Variants in DLK1 observed in about 807,000 individuals in gnomAD.
DLK1 encodes the protein protein delta homolog 1.
In DLK1, 9 loss-of-function variants were observed where a neutral mutation model predicts 35.2. The observed-to-expected ratio is 0.26, with a 90% CI of 0.15 to 0.45. The LOEUF is 0.45. Among genes scored for constraint, DLK1 ranks in the 20% least tolerant of loss-of-function variants. DLK1 has a pLI of 1.00. For missense variants in DLK1, 522 were observed against 528.5 expected, an observed-to-expected ratio of 0.99 and a Z score of 0.12; for synonymous variants, 231 against 228.4, an observed-to-expected ratio of 1.01 and a Z score of -0.10.
chr14:100,728,333 G>T, intron 1 of DLK1, 63 bp from the exon 2 acceptor site: 1 of 1,590,768 alleles, frequency 6.3e-7, no homozygotes, highest in South Asian at 1.1e-5. Flanking sequence ...TGTGGGCGAA[G>T]ACAGCCTTTG....
Position 100,734,973 on chromosome 14 carries a change from G to T in DLK1, c.*77G>T. 1 of 1,490,934 alleles carries T rather than the reference G, an allele frequency of 6.7e-7. No individual in the cohort carries two copies. Among genetic ancestry groups the T allele is most frequent in the Non-Finnish European group, 8.9e-7 (1 of 1,125,572 alleles). The allele number at this position is 1,490,934 out of a possible 1,614,324, so 92.4% of individuals were successfully genotyped here. Reference sequence around the variant, plus strand: ...ATACGCGGTCTGTCCTAATCTTTGTGGTGTTCGCTATCTCTTGTGTCAAAT... The same window carrying T: ...ATACGCGGTCTGTCCTAATCTTTGTTGTGTTCGCTATCTCTTGTGTCAAAT... On this transcript the variant is annotated 3_prime_UTR_variant, in exon 5 of 5. Coordinates refer to ENST00000341267, the MANE Select transcript of DLK1 (RefSeq NM_003836.7). This position sits in a 1 kb window ranked among gnomAD's most constrained non-coding sequence, Gnocchi z 7.4.
rs1276824970 is a variant in DLK1, at chr14:100,737,445, CTA to C, written c.*2551_*2552del. The C allele has an allele frequency of 1.3e-5, 2 of 152,016 alleles. No homozygotes were observed. Among genetic ancestry groups the C allele is most frequent in the African/African-American group, 2.4e-5 (1 of 41,406 alleles). The allele number at this position is 152,016 out of a possible 1,614,324, so 9.4% of individuals were successfully genotyped here. A position where few individuals can be genotyped will look rare whatever the true frequency, so the allele number is the denominator to read the frequency against. On this transcript the variant is annotated 3_prime_UTR_variant, in exon 5 of 5. Transcript: ENST00000341267. ...AAGATTGGTCAGATGATCAAATTAT[CTA>C]TGTTTTCGATCTTGATGCTATAGAG... is the stretch of plus-strand genomic sequence containing the variant.
rs1206126080 is a variant in DLK1, at chr14:100,736,802, C to G, written c.*1906C>G. ...GCCCCTCCCAGCCTCACCCCAAAAACCCTGTCACCCCACCGACCACCATCA... is the reference window on the plus strand; with the variant it reads ...GCCCCTCCCAGCCTCACCCCAAAAAGCCTGTCACCCCACCGACCACCATCA... On this transcript the variant is annotated 3_prime_UTR_variant, in exon 5 of 5. Coordinates refer to ENST00000341267, the MANE Select transcript of DLK1 (RefSeq NM_003836.7). The G allele has an allele frequency of 6.7e-6, 1 of 149,828 alleles. No individual in the cohort carries two copies. Among genetic ancestry groups the G allele is most frequent in the Non-Finnish European group, 1.5e-5 (1 of 67,776 alleles). The allele number at this position is 149,828 out of a possible 1,614,324, so 9.3% of individuals were successfully genotyped here.
intron 4 of DLK1, among the ~76,000 whole-genome samples, chr14:100,733,566 A>T (rs577682986): frequency 1.3e-5 from 2 of 152,114 alleles, no homozygotes; most frequent in African/African-American, 4.8e-5. Flanking sequence ...GTGGATCCAC[A>T]CCGCTAATAA....
At chr14:100,732,018 C>A (rs776685645) in intron 3 of DLK1, 24 bp from the exon 4 acceptor site, 1 of 1,599,284 alleles carries the variant, frequency 6.3e-7, no homozygotes, top group African/African-American at 1.3e-5. Context: ...AAGCTAAGTT[C>A]TCGTCTTCCC....
chr14:100,734,918 C>T lies in DLK1; in HGVS notation c.*22C>T. 15 of 1,545,730 alleles carry T rather than the reference C, an allele frequency of 9.7e-6. No homozygotes were observed. The highest frequency in any genetic ancestry group is 1.3e-5 in the Non-Finnish European group (15 of 1,151,552). ...CTAAGCAGCGTTCCCACAGCCCCCT[C>T]TAGATTCTTGGAGTTCCGCAGAGCT... On this transcript the variant is annotated 3_prime_UTR_variant, in exon 5 of 5. Transcript: ENST00000341267. The surrounding 1 kb of genome is among the most constrained non-coding windows in gnomAD (Gnocchi z 7.4).
At position 100,728,976 on chromosome 14, in the gene DLK1, G is replaced by C. The variant is rs776598670; in HGVS notation, c.172G>C (p.Val58Leu). The change falls in exon 3 of 5, where the codon GTG (valine) becomes CTG (leucine). Residue 58 changes from valine (V) to leucine (L), a missense_variant. Physicochemically the swap from Val to Leu is conservative, Grantham distance 32 (BLOSUM62 1). Transcript: ENST00000341267. ...GCAGGGTCCCCTTTGTGACCAGTGC[G>C]TGACCTCTCCCGGCTGCCTTCACGG... Reference protein sequence around the residue: ...GWQGPLCDQCVTSPGCLHGLC... With the variant: ...GWQGPLCDQCLTSPGCLHGLC... The C allele has an allele frequency of 6.2e-7, 1 of 1,614,066 alleles. No individual in the cohort carries two copies. Among genetic ancestry groups the C allele is most frequent in the Non-Finnish European group, 8.5e-7 (1 of 1,180,036 alleles).
In DLK1 at chr14:100,734,975, T is replaced by C; in HGVS notation, c.*79T>C. The C allele has an allele frequency of 1.3e-6, 2 of 1,490,096 alleles. No individual in the cohort carries two copies. Among genetic ancestry groups the C allele is most frequent in the Non-Finnish European group, 8.9e-7 (1 of 1,124,868 alleles). 92.3% of individuals were successfully genotyped at this position (1,490,096 alleles called of 1,614,324 possible). ...ACGCGGTCTGTCCTAATCTTTGTGG[T>C]GTTCGCTATCTCTTGTGTCAAATCT... On this transcript the variant is annotated 3_prime_UTR_variant, in exon 5 of 5. Transcript: ENST00000341267. The surrounding 1 kb of genome is among the most constrained non-coding windows in gnomAD (Gnocchi z 7.4).
At chr14:100,727,161 C>T (rs1231977258) in intron 1 of DLK1, 26 bp downstream of exon 1, 8 of 1,545,392 alleles carry the variant, frequency 5.2e-6, no homozygotes, top group Non-Finnish European at 6.1e-6. Flanking sequence ...GCCCGGCTCG[C>T]GCCCCCTCTG....
In DLK1 at chr14:100,734,785, G is replaced by C; in HGVS notation, c.1041G>C (p.Lys347Asn). Residue 347 changes from lysine (K) to asparagine (N), a missense_variant, in exon 5 of 5, where the codon AAG (lysine) becomes AAC (asparagine). Transcript: ENST00000341267. This position sits in a 1 kb window ranked among gnomAD's most constrained non-coding sequence, Gnocchi z 7.4. ...LRYNHMLRKK[K>N]NLLLQYNSGE... ...ACAACCACATGCTGCGGAAGAAGAA[G>C]AACCTGCTGCTTCAGTACAACAGCG... 6.2e-7 allele frequency: 1 copy of C among 1,613,984 alleles called. No individual in the cohort carries two copies. The highest frequency in any genetic ancestry group is 1.1e-5 in the South Asian group (1 of 91,060).
chr14:100,736,287 A>G lies in DLK1; in HGVS notation c.*1391A>G, dbSNP rs780056941. 7 of 151,910 alleles carry G rather than the reference A, an allele frequency of 4.6e-5. No homozygotes were observed. Among genetic ancestry groups the G allele is most frequent in the Non-Finnish European group, 8.8e-5 (6 of 67,998 alleles). The allele number at this position is 151,910 out of a possible 1,614,324, so 9.4% of individuals were successfully genotyped here. A position where few individuals can be genotyped will look rare whatever the true frequency, so the allele number is the denominator to read the frequency against. ...TTGGACAGCTAAACAGCCCTTGGGT[A>G]CCAGATAGGAATATTTTGCTTCTTA... On this transcript the variant is annotated 3_prime_UTR_variant, in exon 5 of 5. Transcript: ENST00000341267.
intron 3 of DLK1, among the ~76,000 whole-genome samples, chr14:100,731,445 G>A (rs767833530): frequency 6.6e-6 from 1 of 152,196 alleles, no homozygotes; most frequent in Non-Finnish European, 1.5e-5. Context: ...CTTGAGTTCA[G>A]AGCCTGAGTG....
At chr14:100,731,848 T>A (rs1208613224) in intron 3 of DLK1, among the ~76,000 whole-genome samples, 194 bp from the exon 4 acceptor site, 1 of 152,190 alleles carries the variant, frequency 6.6e-6, no homozygotes, top group East Asian at 1.9e-4. Flanking sequence ...TCTGTGACCT[T>A]AGGCAAGGAA....
At position 100,736,841 on chromosome 14, in the gene DLK1, C is replaced by T. The variant is rs929584929; in HGVS notation, c.*1945C>T. On this transcript the variant is annotated 3_prime_UTR_variant, in exon 5 of 5. Transcript: ENST00000341267. ...CGACCACCATCATCACTGGCAAGCCCCTTCCCCTTCTCCAGCTCCCGTCCC... is the reference window on the plus strand; with the variant it reads ...CGACCACCATCATCACTGGCAAGCCTCTTCCCCTTCTCCAGCTCCCGTCCC... 2.0e-5 allele frequency: 3 copies of T among 150,804 alleles called. No individual in the cohort carries two copies. The highest frequency in any genetic ancestry group is 2.1e-4 in the South Asian group (1 of 4,676). The allele number at this position is 150,804 out of a possible 1,614,324, so 9.3% of individuals were successfully genotyped here.
In DLK1 at chr14:100,736,171, T is replaced by TC. The variant is rs751272964; in HGVS notation, c.*1275_*1276insC. 1.6e-5 allele frequency: 2 copies of TC among 128,204 alleles called. No individual in the cohort carries two copies. Among genetic ancestry groups the TC allele is most frequent in the Non-Finnish European group, 3.5e-5 (2 of 57,682 alleles). The allele number at this position is 128,204 out of a possible 1,614,324, so 7.9% of individuals were successfully genotyped here. ...CAGCTTCTGAATTTTGAATTTGACT[T>TC]TTTTTTTTTTTTTAACAAAGAGCAT... On this transcript the variant is annotated 3_prime_UTR_variant, in exon 5 of 5. Coordinates refer to ENST00000341267, the MANE Select transcript of DLK1 (RefSeq NM_003836.7).
intron 4 of DLK1, among the ~76,000 whole-genome samples, chr14:100,733,046 G>A (rs974469819): frequency 2.6e-5 from 4 of 152,230 alleles, no homozygotes; most frequent in African/African-American, 9.6e-5. Flanking sequence ...CCAGTAGTCT[G>A]TAAGAGCTGT....
Position 100,734,553 on chromosome 14 carries a change from C to T in DLK1, c.809C>T (p.Pro270Leu). Residue 270 changes from proline to leucine, a missense_variant, in exon 5 of 5, where the codon CCT (proline) becomes CTT (leucine). By Grantham distance (98) the Pro-to-Leu change is moderately conservative. Transcript: ENST00000341267. This position sits in a 1 kb window ranked among gnomAD's most constrained non-coding sequence, Gnocchi z 7.4. ...TATGGGCTGGCCTACCGCCTGACCC[C>T]TGGGGTGCACGAGCTGCCGGTGCAG... Reference protein sequence around the residue: ...SGYGLAYRLTPGVHELPVQQP... With the variant: ...SGYGLAYRLTLGVHELPVQQP... The T allele has an allele frequency of 6.2e-7, 1 of 1,613,132 alleles. No individual in the cohort carries two copies. Among genetic ancestry groups the T allele is most frequent in the Non-Finnish European group, 8.5e-7 (1 of 1,179,908 alleles).
At chr14:100,730,423 G>C (rs941141061) in intron 3 of DLK1, among the ~76,000 whole-genome samples, 3 of 152,190 alleles carry the variant, frequency 2.0e-5, no homozygotes, top group Non-Finnish European at 2.9e-5. Context: ...AGTTGACAAA[G>C]GCAGCCAGCT....
In DLK1 at chr14:100,732,115, A is replaced by T; in HGVS notation, c.336A>T (p.Glu112Asp). 2 of 1,614,018 alleles carry T rather than the reference A, an allele frequency of 1.2e-6. No individual in the cohort carries two copies. The highest frequency in any genetic ancestry group is 1.7e-6 in the Non-Finnish European group (2 of 1,179,894). ...TCVSLDDGLYECSCAPGYSGK... is the reference protein window; with the variant it reads ...TCVSLDDGLYDCSCAPGYSGK... ...TGAGCCTGGACGATGGCCTCTATGA[A>T]TGCTCCTGTGCCCCCGGGTACTCGG... is the stretch of plus-strand genomic sequence containing the variant. The change falls in exon 4 of 5, where the codon GAA becomes GAT. Residue 112 changes from glutamate (E) to aspartate (D), a missense_variant. Coordinates refer to ENST00000341267, the MANE Select transcript of DLK1 (RefSeq NM_003836.7).
Sources: allele counts gnomAD v4.1 joint callset (sites outside exome capture counted in the v4.1 genomes callset), GRCh38; gene constraint gnomAD v4.1.1; non-coding constraint Gnocchi (gnomAD v3.1); transcripts MANE v1.5; gene names NCBI Gene and HGNC (gene_info 2026-07-23, HGNC 2026-07-21).